The following CAB39 variants were observed in gnomAD, a reference collection of about 807,000 sequenced individuals.
CAB39 encodes calcium binding protein 39, also known as calcium-binding protein 39.
CAB39 carries 8 observed loss-of-function variants against 40.0 expected under a neutral mutation model. That is an observed-to-expected ratio of 0.20 (90% CI 0.12 to 0.36). CAB39 has a LOEUF of 0.36. Ranked by LOEUF, CAB39 falls within the 10% of genes least tolerant of loss-of-function variation. CAB39 has a pLI of 1.00. For synonymous variants in CAB39, 156 were observed against 141.6 expected (o/e 1.10, Z -0.72); for missense variants, 270 against 401.1 (o/e 0.67, Z 2.79).
intron 1 of CAB39, among the ~76,000 whole-genome samples, chr2:230,754,815 G>A (rs1031164504): frequency 1.2e-4 from 19 of 152,214 alleles, no homozygotes; most frequent in African/African-American, 3.4e-4. Context: ...CACTGCGCCC[G>A]GCCTATTTGT....
chr2:230,739,444 A>G (rs1206572034), intron 1 of CAB39, among the ~76,000 whole-genome samples: 2 of 152,256 alleles, frequency 1.3e-5, no homozygotes, highest in Non-Finnish European at 1.5e-5. Context: ...GAAATCAGTC[A>G]TGTATTACAG....
intron 1 of CAB39, among the ~76,000 whole-genome samples, chr2:230,748,813 GAAAAAA>G (rs759314442): frequency 8.5e-4 from 27 of 31,766 alleles, no homozygotes; most frequent in African/African-American, 1.9e-3. Flanking sequence ...TTTCCAAAAA[GAAAAAA>G]AAAAAAAAAA....
chr2:230,731,372 C>T (rs937367249), intron 1 of CAB39, among the ~76,000 whole-genome samples: 2 of 151,960 alleles, frequency 1.3e-5, no homozygotes, highest in African/African-American at 2.4e-5. Flanking sequence ...TCATGTAAAC[C>T]AGGAAAAAAA....
intron 1 of CAB39, among the ~76,000 whole-genome samples, chr2:230,723,371 TCCTGAACCC>T (rs1312239048): frequency 5.9e-5 from 9 of 152,134 alleles, no homozygotes. Flanking sequence ...GCTGTGGGCT[TCCTGAACCC>T]ACCCCACTTA....
intron 5 of CAB39, among the ~76,000 whole-genome samples, chr2:230,801,513 A>G (rs374229209): frequency 5.3e-5 from 8 of 152,214 alleles, no homozygotes; most frequent in African/African-American, 1.7e-4. Flanking sequence ...CTCTGCACAC[A>G]AAAATTTCCA....
chr2:230,807,978 C>T (rs545402772), intron 5 of CAB39, among the ~76,000 whole-genome samples: 2 of 152,152 alleles, frequency 1.3e-5, no homozygotes, highest in South Asian at 2.1e-4. Context: ...GATCCTGACA[C>T]TTGAATTCCT....
chr2:230,726,861 A>G (rs1271379593), intron 1 of CAB39, among the ~76,000 whole-genome samples: 2 of 146,238 alleles, frequency 1.4e-5, no homozygotes, highest in Non-Finnish European at 3.0e-5. Flanking sequence ...TTTTAATCTT[A>G]TGGAAGCTCC....
At chr2:230,787,030 G>A (rs1695805814) in intron 2 of CAB39, among the ~76,000 whole-genome samples, 1 of 152,152 alleles carries the variant, frequency 6.6e-6, no homozygotes, top group Non-Finnish European at 1.5e-5. Context: ...GGGATTATTA[G>A]GAGGATGACT....
At chr2:230,732,143 G>A (rs931726397) in intron 1 of CAB39, among the ~76,000 whole-genome samples, 3 of 151,756 alleles carry the variant, frequency 2.0e-5, no homozygotes, top group Non-Finnish European at 4.4e-5. Context: ...GGGCAGTGGC[G>A]CTATCTTGGC....
chr2:230,746,354 G>A (rs140013937), intron 1 of CAB39, among the ~76,000 whole-genome samples: 302 of 152,302 alleles, frequency 2.0e-3, no homozygotes, highest in African/African-American at 6.9e-3. Flanking sequence ...ACACATCACA[G>A]TATGTAACAC....
In CAB39 at chr2:230,726,921, A is replaced by G. The variant is rs548774560; in HGVS notation, c.-44+13691A>G. 6.0e-5 allele frequency among the ~76,000 whole-genome samples: 9 copies of G among 150,576 alleles called. No homozygotes were observed. In the South Asian group the frequency reaches 1.9e-3, roughly 32 times the overall value. On this transcript the variant is annotated intron_variant, in intron 1 of 8. Coordinates refer to ENST00000258418, the MANE Select transcript of CAB39 (RefSeq NM_016289.4). ...GAAGACAGGAATCAGGGTGCTTAGC[A>G]TACGAGATTGTATGCTGATGCCCTT...
intron 4 of CAB39, among the ~76,000 whole-genome samples, chr2:230,797,319 A>T (rs1013627767): frequency 2.0e-5 from 3 of 152,232 alleles, no homozygotes; most frequent in African/African-American, 7.2e-5. Context: ...TACTAACCAC[A>T]TGTAATTAAT....
intron 1 of CAB39, chr2:230,713,920 C>G (rs570122294): frequency 6.6e-6 from 1 of 152,454 alleles, no homozygotes; most frequent in Admixed American, 6.5e-5. Context: ...GAAAGAACGA[C>G]GGAGTGCTAG....
In CAB39 at chr2:230,770,094, GAGTTTCTACCTTAAAA is replaced by G. The variant is rs1212328262; in HGVS notation, c.114+9981_114+9996del. Among the ~76,000 whole-genome samples the G allele has an allele frequency of 1.4e-4, 21 of 152,134 alleles. No individual in the cohort carries two copies. In the Middle Eastern group the frequency reaches 0.01, roughly 74 times the overall value. On this transcript the variant is annotated intron_variant, in intron 2 of 8. Transcript: ENST00000258418. ...ATATATTTAAAAAGAAGAAAGGTCT[GAGTTTCTACCTTAAAA>G]ACTAGAAAAACAAGAGCAAATTAAA...
chr2:230,735,054 T>C (rs972920291), intron 1 of CAB39, among the ~76,000 whole-genome samples: 6 of 152,234 alleles, frequency 3.9e-5, no homozygotes, highest in Non-Finnish European at 2.9e-5. Flanking sequence ...TGCTCTTTGC[T>C]GGTCGCCTGC....
chr2:230,788,541 T>C (rs993864989), intron 2 of CAB39, among the ~76,000 whole-genome samples: 3 of 152,224 alleles, frequency 2.0e-5, no homozygotes, highest in Non-Finnish European at 4.4e-5. Flanking sequence ...TGAAGAATCA[T>C]TTTTCTTCAG....
intron 1 of CAB39, among the ~76,000 whole-genome samples, chr2:230,730,756 A>G (rs1303685005): frequency 6.6e-6 from 1 of 152,152 alleles, no homozygotes; most frequent in Non-Finnish European, 1.5e-5. Context: ...GAAAACTTAT[A>G]TGAATATCCA....
chr2:230,796,324 G>A (rs1695986166), intron 4 of CAB39, among the ~76,000 whole-genome samples: 1 of 152,078 alleles, frequency 6.6e-6, no homozygotes, highest in African/African-American at 2.4e-5. Flanking sequence ...CGTATTGCTA[G>A]TGTTAGACTA....
At chr2:230,765,705 G>A (rs1695373656) in intron 2 of CAB39, among the ~76,000 whole-genome samples, 1 of 152,010 alleles carries the variant, frequency 6.6e-6, no homozygotes, top group Non-Finnish European at 1.5e-5. Context: ...GTAATGTCAG[G>A]AGACATTACA....
Sources: gnomAD v4.1 joint callset for allele counts (sites outside exome capture counted in the v4.1 genomes callset) on GRCh38, gnomAD v4.1.1 for gene constraint, MANE v1.5 for transcripts, NCBI Gene and HGNC (gene_info 2026-07-23, HGNC 2026-07-21) for gene names.